TRPM2: variants seen among roughly 807,000 people sequenced by gnomAD.
TRPM2 encodes estrogen-responsive element-associated gene 1 protein.
Under a neutral mutation model 174.0 loss-of-function variants are expected in TRPM2, and 161 were observed. The observed-to-expected ratio is 0.93, with a 90% CI of 0.81 to 1.05. The LOEUF is 1.05. TRPM2 is among the 50% of genes least tolerant of loss of function. TRPM2 has a pLI of 0.00. For missense variants in TRPM2, 2,057 were observed against 2,038.0 expected, an observed-to-expected ratio of 1.01 and a Z score of -0.18; for synonymous variants, 954 against 861.3, an observed-to-expected ratio of 1.11 and a Z score of -1.88.
chr21:44,422,142 G>A (rs1173484154), intron 22 of TRPM2: 1 of 1,071,210 alleles, frequency 9.3e-7, no homozygotes, highest in Middle Eastern at 3.1e-4. Flanking sequence ...CCGTACCAAG[G>A]GCCCTAGCCT....
At chr21:44,357,960 A>G (rs915991221) in intron 2 of TRPM2, among the ~76,000 whole-genome samples, 1 of 152,334 alleles carries the variant, frequency 6.6e-6, no homozygotes, top group African/African-American at 2.4e-5. Context: ...AGTGGATGGA[A>G]TGTCCCTCCT....
At position 44,376,758 on chromosome 21, in the gene TRPM2, G is replaced by A. The variant is rs114009279; in HGVS notation, c.952+745G>A. On this transcript the variant is annotated intron_variant, in intron 6 of 31. Transcript: ENST00000397928. The surrounding 1 kb of genome is among the most constrained non-coding windows in gnomAD (Gnocchi z 4.2). ...CGGGAGGTGTCTGACCTGTGGCTGG[G>A]TGGGCTGGGGTCCCTTGCAGGGTTC... 8.3e-3 allele frequency among the ~76,000 whole-genome samples: 1,264 copies of A among 152,326 alleles called. 21 individuals are homozygous for A. Among genetic ancestry groups the A allele is most frequent in the African/African-American group, 0.028 (1,153 of 41,562 alleles).
At position 44,366,488 on chromosome 21, in the gene TRPM2, G is replaced by T. The variant is rs1439486164; in HGVS notation, c.424-266G>T. On this transcript the variant is annotated intron_variant, in intron 3 of 31. Transcript: ENST00000397928. This position sits in a 1 kb window ranked among gnomAD's most constrained non-coding sequence, Gnocchi z 6.0. ...AGAGGAAGAGGAAAAAGTGGGTGCC[G>T]TGGGGGCACGAGGGCTGGGGGAGGT... Among the ~76,000 whole-genome samples the T allele has an allele frequency of 6.6e-6, 1 of 152,140 alleles. No homozygotes were observed. Among genetic ancestry groups the T allele is most frequent in the African/African-American group, 2.4e-5 (1 of 41,424 alleles).
chr21:44,415,871 C>T (rs2050261587), intron 20 of TRPM2: 1 of 152,080 alleles, frequency 6.6e-6, no homozygotes, highest in South Asian at 2.1e-4. Context: ...TTTGGGGGTT[C>T]TGTTTTGCTC....
chr21:44,436,610 A>C (rs2051279575), intron 28 of TRPM2, among the ~76,000 whole-genome samples: 1 of 78,916 alleles, frequency 1.3e-5, no homozygotes. Flanking sequence ...TGCACTCAGC[A>C]CCCCATGTCA....
At chr21:44,359,741 A>ATG (rs1200301482) in intron 2 of TRPM2, among the ~76,000 whole-genome samples, 1 of 139,628 alleles carries the variant, frequency 7.2e-6, no homozygotes, top group Non-Finnish European at 1.5e-5. Flanking sequence ...ACACATATAT[A>ATG]TGTATATATA....
upstream of TRPM2, among the ~76,000 whole-genome samples, chr21:44,353,086 A>T (rs2123004350): frequency 2.0e-5 from 3 of 152,194 alleles, no homozygotes; most frequent in Non-Finnish European, 4.4e-5. Flanking sequence ...AACCAGGGAG[A>T]CCGAGGTTGC....
chr21:44,366,902 G>T lies in TRPM2; in HGVS notation c.572G>T (p.Arg191Leu), dbSNP rs200511816. 1.0e-4 allele frequency: 168 copies of T among 1,608,462 alleles called. No individual in the cohort carries two copies. The highest frequency in any genetic ancestry group is 1.2e-4 in the Non-Finnish European group (146 of 1,176,692). The change falls in exon 4 of 32, where the codon CGC becomes CTC. Residue 191 changes from arginine (R) to leucine (L), a missense_variant. Arg to Leu is a moderately radical substitution (Grantham distance 102, BLOSUM62 -2). Coordinates refer to ENST00000397928, the MANE Select transcript of TRPM2 (RefSeq NM_003307.4). This position sits in a 1 kb window ranked among gnomAD's most constrained non-coding sequence, Gnocchi z 6.0. ...AAGCCGCGGCTGAAGAGCATTTTCC[G>T]CAGAGGCCTGGTCAAGGTGGCTCAG... ...NMKPRLKSIF[R>L]RGLVKVAQTT...
rs1205619458 is a variant in TRPM2, at chr21:44,354,622, T to C, written c.166-26T>C. The C allele has an allele frequency of 3.7e-6, 6 of 1,604,274 alleles. No individual in the cohort carries two copies. The highest frequency in any genetic ancestry group is 3.3e-5 in the South Asian group (3 of 90,914). On this transcript the variant is annotated intron_variant, in intron 1 of 31. Transcript: ENST00000397928. The surrounding 1 kb of genome is among the most constrained non-coding windows in gnomAD (Gnocchi z 4.3). ...GTGTGCTCTTTCGAATGTTGGAAGA[T>C]CTCAGTGTGCTGTCTTTACCTTCAG...
Position 44,379,100 on chromosome 21 carries a change from A to G in TRPM2, c.1118A>G (p.Asp373Gly), listed in dbSNP as rs1219060659. ...CAGGTGGCCAACCTGCCTGTCTCGG[A>G]CATCACTATCTCCCTGATCCAGCAG... ...IAQVANLPVS[D>G]ITISLIQQKL... The change falls in exon 8 of 32, where the codon GAC (aspartate) becomes GGC (glycine). Residue 373 changes from aspartate to glycine, a missense_variant. Coordinates refer to ENST00000397928, the MANE Select transcript of TRPM2 (RefSeq NM_003307.4). The G allele has an allele frequency of 6.8e-6, 11 of 1,613,342 alleles. No homozygotes were observed. The highest frequency in any genetic ancestry group is 9.3e-6 in the Non-Finnish European group (11 of 1,180,036).
At chr21:44,416,660 C>A in intron 20 of TRPM2, 1 of 182,242 alleles carries the variant, frequency 5.5e-6, no homozygotes, top group Non-Finnish European at 1.2e-5. Context: ...CTTTGGTTCC[C>A]AGGAAGCCTG....
At position 44,402,019 on chromosome 21, in the gene TRPM2, C is replaced by T. The variant is rs376130275; in HGVS notation, c.2538+122C>T. ...CCTGCCCAGCTCCCTGCAAGCTGAG[C>T]AGAGCCGGTGTTTCCTCCCCAAAAT... On this transcript the variant is annotated intron_variant, in intron 16 of 31. Coordinates refer to ENST00000397928, the MANE Select transcript of TRPM2 (RefSeq NM_003307.4). The T allele has an allele frequency of 4.4e-5, 51 of 1,156,000 alleles. No homozygotes were observed. In the African/African-American group the frequency reaches 6.0e-4, roughly 14 times the overall value. 71.6% of individuals were successfully genotyped at this position (1,156,000 alleles called of 1,614,324 possible). A position where few individuals can be genotyped will look rare whatever the true frequency, so the allele number is the denominator to read the frequency against.
chr21:44,437,140 T>C lies in TRPM2; in HGVS notation c.4140T>C (p.Pro1380=), dbSNP rs1232188877. Residue 1380 remains proline (P), a synonymous_variant, in exon 29 of 32, where the codon CCT becomes CCC. Transcript: ENST00000397928. ...TGGAAGTGCTGGTGGTGAAGCTCCCTCTCTCCGAGCACTGGGCCCTGCCTG... is the reference window on the plus strand; with the variant it reads ...TGGAAGTGCTGGTGGTGAAGCTCCCCCTCTCCGAGCACTGGGCCCTGCCTG... ...KMLEVLVVKL[P]LSEHWALPGG... 1.9e-6 allele frequency: 3 copies of C among 1,551,248 alleles called. No individual in the cohort carries two copies. Among genetic ancestry groups the C allele is most frequent in the African/African-American group, 2.7e-5 (2 of 73,034 alleles).
chr21:44,418,417 T>G lies in TRPM2; in HGVS notation c.3329-6T>G. ...GGTCCCCTGGTCTGTCCGCCCACCCTGACAGAGAACAAGCTGGAGAAGAAC... is the reference window on the plus strand; with the variant it reads ...GGTCCCCTGGTCTGTCCGCCCACCCGGACAGAGAACAAGCTGGAGAAGAAC... On this transcript the variant is annotated splice_polypyrimidine_tract_variant and splice_region_variant and intron_variant, in intron 21 of 31. Transcript: ENST00000397928. 6.2e-7 allele frequency: 1 copy of G among 1,613,730 alleles called. No individual in the cohort carries two copies. The highest frequency in any genetic ancestry group is 8.5e-7 in the Non-Finnish European group (1 of 1,179,778).
chr21:44,386,267 G>C (rs2049013022), intron 9 of TRPM2, among the ~76,000 whole-genome samples: 1 of 152,046 alleles, frequency 6.6e-6, no homozygotes, highest in Admixed American at 6.6e-5. Flanking sequence ...CACCTGTAGG[G>C]CATGGTGGCG....
intron 27 of TRPM2, among the ~76,000 whole-genome samples, chr21:44,428,934 T>C (rs1601245338): frequency 6.6e-6 from 1 of 152,258 alleles, no homozygotes; most frequent in East Asian, 1.9e-4. Flanking sequence ...TGCCACAGCG[T>C]TGCAGTAATC....
intron 22 of TRPM2, among the ~76,000 whole-genome samples, chr21:44,420,139 C>G (rs760192303): frequency 4.6e-5 from 7 of 152,080 alleles, no homozygotes; most frequent in Non-Finnish European, 1.0e-4. Context: ...ATGATGACTT[C>G]CAGTTGAGCC....
At chr21:44,363,469 A>G (rs1364930503) in intron 2 of TRPM2, among the ~76,000 whole-genome samples, 2 of 149,252 alleles carry the variant, frequency 1.3e-5, no homozygotes, top group Non-Finnish European at 3.0e-5. Context: ...TGTTAGGTCC[A>G]TCCTTTGAGT....
intron 12 of TRPM2, 131 bp from the exon 13 acceptor site, chr21:44,397,614 TCA>T: frequency 1.0e-6 from 1 of 967,362 alleles, no homozygotes; most frequent in Non-Finnish European, 1.4e-6. Flanking sequence ...ATAGATGTGG[TCA>T]CACACAGTGA....
Sources: gnomAD v4.1 joint callset for allele counts (sites outside exome capture counted in the v4.1 genomes callset) on GRCh38, gnomAD v4.1.1 for gene constraint, Gnocchi (gnomAD v3.1) non-coding constraint, MANE v1.5 for transcripts, NCBI Gene and HGNC (gene_info 2026-07-23, HGNC 2026-07-21) for gene names.